Variants in DACH2 observed in about 807,000 individuals in gnomAD.
The protein encoded by DACH2 is dachshund family transcription factor 2.
DACH2 carries 17 observed loss-of-function variants against 35.8 expected under a neutral mutation model. The observed-to-expected ratio is 0.48, with a 90% confidence interval of 0.33 to 0.71. The LOEUF (loss-of-function observed/expected upper bound fraction) is 0.71. Ranked by LOEUF, DACH2 falls within the 30% of genes least tolerant of loss-of-function variation. The pLI, the probability that DACH2 is intolerant of heterozygous loss-of-function variation, is 0.02. For missense variants in DACH2, 469 were observed against 472.7 expected (o/e 0.99, Z 0.07); for synonymous variants, 195 against 177.3 (o/e 1.10, Z -0.79).
At chrX:86,449,711 A>T (rs922507257) in intron 2 of DACH2, among the ~76,000 whole-genome samples, 1 of 111,308 alleles carries the variant, frequency 9.0e-6, no homozygotes, top group African/African-American at 3.3e-5. Flanking sequence ...CATCTTACAG[A>T]TATACCAGGT....
chrX:86,547,931 G>A (rs933621025), intron 3 of DACH2, among the ~76,000 whole-genome samples: 10 of 111,710 alleles, frequency 9.0e-5, no homozygotes, highest in Admixed American at 1.9e-4. Flanking sequence ...AATTGTCTTG[G>A]CCCCAGCAAT....
At chrX:86,502,836 T>G (rs180819786) in intron 2 of DACH2, among the ~76,000 whole-genome samples, 1 of 111,886 alleles carries the variant, frequency 8.9e-6, no homozygotes, top group Non-Finnish European at 1.9e-5. Context: ...CAACACAAAT[T>G]TGTACACTTT....
intron 1 of DACH2, among the ~76,000 whole-genome samples, chrX:86,290,999 G>A (rs1274866379): frequency 1.6e-4 from 17 of 107,557 alleles, no homozygotes; most frequent in Non-Finnish European, 3.3e-4. Flanking sequence ...TATTGAATCT[G>A]TAAATTACCT....
intron 9 of DACH2, among the ~76,000 whole-genome samples, chrX:86,813,647 G>GTAA (rs1244610545): frequency 1.0e-3 from 103 of 101,647 alleles, no homozygotes; most frequent in African/African-American, 3.1e-3. Flanking sequence ...AATAATAATA[G>GTAA]TAATAATAAT....
intron 3 of DACH2, among the ~76,000 whole-genome samples, chrX:86,627,495 CAT>C (rs1465188516): frequency 9.0e-6 from 1 of 111,337 alleles, no homozygotes; most frequent in African/African-American, 3.3e-5. Flanking sequence ...TATCTCAAAA[CAT>C]GTGGATATAT....
Position 86,317,666 on chromosome X carries a change from T to A in DACH2, c.489-59158T>A, listed in dbSNP as rs1369651750. On this transcript the variant is annotated intron_variant, in intron 1 of 11. Transcript: ENST00000373125. ...TTATTTGCATAAAGCACAGCAAGAG[T>A]GATCACCTTTACATAGGCCTTTTTT... Among the ~76,000 whole-genome samples the A allele has an allele frequency of 4.5e-5, 5 of 112,055 alleles. No homozygotes were observed. In the Admixed American group the frequency reaches 4.7e-4, roughly 11 times the overall value.
At chrX:86,648,970 G>T (rs186064216) in intron 3 of DACH2, among the ~76,000 whole-genome samples, 141 of 109,584 alleles carry the variant, frequency 1.3e-3, no homozygotes, top group Non-Finnish European at 2.5e-3. Flanking sequence ...ACTCATGTGT[G>T]AGCTACTTTA....
chrX:86,419,439 G>A (rs183730998), intron 2 of DACH2, among the ~76,000 whole-genome samples: 4 of 111,939 alleles, frequency 3.6e-5, no homozygotes, highest in African/African-American at 1.3e-4. Context: ...GTGGCCACAG[G>A]CAAAAAGCAA....
At chrX:86,345,669 C>T (rs766502770) in intron 1 of DACH2, among the ~76,000 whole-genome samples, 10 of 111,685 alleles carry the variant, frequency 9.0e-5, no homozygotes, top group African/African-American at 1.3e-4. Flanking sequence ...GTAAATATAA[C>T]GGACCATGCA....
chrX:86,386,186 T>A (rs1288292462), intron 2 of DACH2, among the ~76,000 whole-genome samples: 1 of 111,677 alleles, frequency 9.0e-6, no homozygotes, highest in Non-Finnish European at 1.9e-5. Flanking sequence ...TTCAATGACC[T>A]TGATAGTTTT....
intron 2 of DACH2, among the ~76,000 whole-genome samples, chrX:86,486,705 A>G (rs1003776194): frequency 1.8e-5 from 2 of 111,874 alleles, no homozygotes; most frequent in African/African-American, 6.5e-5. Context: ...TAATATATAT[A>G]GTCAGACAGA....
chrX:86,397,427 G>A (rs1228876231), intron 2 of DACH2, among the ~76,000 whole-genome samples: 13 of 111,463 alleles, frequency 1.2e-4, no homozygotes, highest in Non-Finnish European at 1.7e-4. Flanking sequence ...CCAACACTAT[G>A]GTGAATAGGA....
At position 86,541,864 on chromosome X, in the gene DACH2, C is replaced by A. The variant is rs778223250; in HGVS notation, c.640+27473C>A. Among the ~76,000 whole-genome samples, 5 of 111,254 alleles carry A rather than the reference C, an allele frequency of 4.5e-5. No homozygotes were observed. In the South Asian group the frequency reaches 1.9e-3, roughly 42 times the overall value. On this transcript the variant is annotated intron_variant, in intron 3 of 11. Transcript: ENST00000373125. ...AGGTATCTGCCATAAATGTTTTTCACGAGATTTCATCCAAGGAGTTCTAAC... is the reference window on the plus strand; with the variant it reads ...AGGTATCTGCCATAAATGTTTTTCAAGAGATTTCATCCAAGGAGTTCTAAC...
At chrX:86,344,960 C>T (rs1401760592) in intron 1 of DACH2, among the ~76,000 whole-genome samples, 1 of 111,841 alleles carries the variant, frequency 8.9e-6, no homozygotes, top group Non-Finnish European at 1.9e-5. Flanking sequence ...TTACTGATAA[C>T]CTCCTTTAGA....
intron 3 of DACH2, among the ~76,000 whole-genome samples, chrX:86,603,942 G>A (rs1185388696): frequency 9.0e-6 from 1 of 110,723 alleles, no homozygotes; most frequent in East Asian, 2.8e-4. Flanking sequence ...TAAAGTGTTT[G>A]GGGATTATCT....
At chrX:86,226,765 C>A (rs1228661070) in intron 1 of DACH2, among the ~76,000 whole-genome samples, 9 of 111,011 alleles carry the variant, frequency 8.1e-5, no homozygotes, top group Non-Finnish European at 1.5e-4. Context: ...TATATGGATA[C>A]CTTGTGCTTC....
intron 4 of DACH2, among the ~76,000 whole-genome samples, chrX:86,652,830 T>C (rs1317884053): frequency 8.9e-6 from 1 of 112,202 alleles, no homozygotes; most frequent in African/African-American, 3.2e-5. Context: ...TCCTTGAAGA[T>C]TCTTGATATT....
At chrX:86,316,209 C>T (rs1471752944) in intron 1 of DACH2, among the ~76,000 whole-genome samples, 2 of 110,462 alleles carry the variant, frequency 1.8e-5, no homozygotes, top group African/African-American at 3.3e-5. Context: ...AGGCATCCCC[C>T]CTGTGTCTGC....
chrX:86,359,802 A>T (rs2035708895), intron 1 of DACH2, among the ~76,000 whole-genome samples: 1 of 111,364 alleles, frequency 9.0e-6, no homozygotes, highest in East Asian at 2.8e-4. Context: ...AGAAAGTGTT[A>T]AGTTCAGACT....
Sources: allele counts gnomAD v4.1 joint callset (sites outside exome capture counted in the v4.1 genomes callset), GRCh38; gene constraint gnomAD v4.1.1; transcripts MANE v1.5; gene names NCBI Gene and HGNC (gene_info 2026-07-23, HGNC 2026-07-21).